KCNAB1: variants seen among roughly 807,000 people sequenced by gnomAD.
KCNAB1 encodes voltage-gated potassium channel subunit beta-1.
In KCNAB1, 35 loss-of-function variants were observed where a neutral mutation model predicts 64.6. The observed-to-expected ratio is 0.54, with a 90% CI of 0.41 to 0.72. The LOEUF (loss-of-function observed/expected upper bound fraction) is 0.72, where lower values mean the gene tolerates loss of function less well. KCNAB1 is among the 30% of genes least tolerant of loss of function. The pLI, the probability that KCNAB1 is intolerant of heterozygous loss-of-function variation, is 0.00. For synonymous variants in KCNAB1, 177 were observed against 183.8 expected (o/e 0.96, Z 0.30); for missense variants, 401 against 512.9 (o/e 0.78, Z 2.11).
intron 8 of KCNAB1, among the ~76,000 whole-genome samples, chr3:156,510,345 C>T (rs1038426079): frequency 6.6e-6 from 1 of 152,184 alleles, no homozygotes; most frequent in African/African-American, 2.4e-5. Flanking sequence ...GATGGTTCTA[C>T]AAACCTCCCT....
intron 1 of KCNAB1, among the ~76,000 whole-genome samples, chr3:156,364,718 C>T (rs548231144): frequency 7.9e-5 from 12 of 152,100 alleles, no homozygotes; most frequent in Admixed American, 2.6e-4. Flanking sequence ...GTGGAGGTTC[C>T]GGTGAGCCAA....
chr3:156,329,343 G>T (rs1241714655), intron 1 of KCNAB1, among the ~76,000 whole-genome samples: 2 of 152,114 alleles, frequency 1.3e-5, no homozygotes, highest in African/African-American at 4.8e-5. Flanking sequence ...AGATTGAGAT[G>T]CTGGGGCAGG....
upstream of KCNAB1, among the ~76,000 whole-genome samples, chr3:156,119,150 T>G (rs1713211152): frequency 6.6e-6 from 1 of 152,140 alleles, no homozygotes; most frequent in Non-Finnish European, 1.5e-5. Context: ...TTGATATTGG[T>G]TAATTAACAG....
intron 1 of KCNAB1, among the ~76,000 whole-genome samples, chr3:156,249,507 G>T (rs1253348261): frequency 6.6e-6 from 1 of 151,262 alleles, no homozygotes; most frequent in Admixed American, 6.6e-5. Context: ...AGAAGGCAGA[G>T]GTTGCAGTTG....
At chr3:156,161,292 G>C (rs1716061023) in intron 1 of KCNAB1, among the ~76,000 whole-genome samples, 1 of 152,102 alleles carries the variant, frequency 6.6e-6, no homozygotes, top group African/African-American at 2.4e-5. Context: ...TCACCTCACT[G>C]CCTCGTCATT....
chr3:156,294,961 C>T (rs1332126639), intron 1 of KCNAB1, among the ~76,000 whole-genome samples: 2 of 152,126 alleles, frequency 1.3e-5, no homozygotes, highest in Non-Finnish European at 2.9e-5. Flanking sequence ...ATTTGCTGAG[C>T]ACCTATTCTA....
At chr3:156,303,287 G>A (rs1721279494) in intron 1 of KCNAB1, among the ~76,000 whole-genome samples, 1 of 152,128 alleles carries the variant, frequency 6.6e-6, no homozygotes, top group African/African-American at 2.4e-5. Context: ...TGGCATGCAA[G>A]CAAAAGTACC....
intron 2 of KCNAB1, among the ~76,000 whole-genome samples, chr3:156,449,731 T>C (rs890044837): frequency 6.6e-6 from 1 of 152,228 alleles, no homozygotes; most frequent in Non-Finnish European, 1.5e-5. Context: ...TGGAAACTGA[T>C]CTCAATGTAG....
intron 13 of KCNAB1, 83 bp downstream of exon 13, chr3:156,531,580 C>T (rs578260398): frequency 1.7e-5 from 17 of 1,020,708 alleles, no homozygotes; most frequent in African/African-American, 6.3e-5. Flanking sequence ...ATCTCTCCCC[C>T]TCTCTGTCCT....
chr3:156,307,310 C>T (rs1721558043), intron 1 of KCNAB1, among the ~76,000 whole-genome samples: 1 of 151,484 alleles, frequency 6.6e-6, no homozygotes, highest in Non-Finnish European at 1.5e-5. Context: ...GATTTTAGAA[C>T]AGAAGAGATT....
chr3:156,203,980 C>G (rs1471603180), intron 1 of KCNAB1, among the ~76,000 whole-genome samples: 1 of 152,126 alleles, frequency 6.6e-6, no homozygotes, highest in African/African-American at 2.4e-5. Context: ...ATCTTTTGCT[C>G]ATTGCTGGGA....
At chr3:156,210,170 A>G (rs1220704208) in intron 1 of KCNAB1, among the ~76,000 whole-genome samples, 3 of 152,078 alleles carry the variant, frequency 2.0e-5, no homozygotes, top group African/African-American at 7.2e-5. Flanking sequence ...GCTGCTCAGG[A>G]AGGCATGGGC....
At chr3:156,296,951 A>T (rs1320461468) in intron 1 of KCNAB1, among the ~76,000 whole-genome samples, 1 of 152,208 alleles carries the variant, frequency 6.6e-6, no homozygotes, top group Non-Finnish European at 1.5e-5. Flanking sequence ...GAAATTGATG[A>T]TCCATATGGT....
chr3:156,229,367 A>G (rs777050645), intron 1 of KCNAB1, among the ~76,000 whole-genome samples: 3 of 152,128 alleles, frequency 2.0e-5, no homozygotes, highest in Non-Finnish European at 4.4e-5. Context: ...ATTCACTTAT[A>G]GTCAAGAGAC....
In KCNAB1 at chr3:156,146,759, T is replaced by C. The variant is rs151102460; in HGVS notation, c.275+25873T>C. On this transcript the variant is annotated intron_variant, in intron 1 of 13. Transcript: ENST00000490337. ...TTATTTATGGACACGGAAATTTGAA[T>C]TTTATAGTTTTTGCATATCACAAAT... Among the ~76,000 whole-genome samples the C allele has an allele frequency of 9.1e-3, 1,387 of 152,294 alleles. 28 individuals are homozygous for C. The highest frequency in any genetic ancestry group is 0.031 in the African/African-American group (1,286 of 41,538).
chr3:156,493,649 T>G (rs1290477737), intron 8 of KCNAB1, among the ~76,000 whole-genome samples: 1 of 152,132 alleles, frequency 6.6e-6, no homozygotes, highest in Admixed American at 6.6e-5. Flanking sequence ...TATCCTTTTC[T>G]GGCCAAGATC....
chr3:156,232,873 CA>C (rs1716616284), intron 1 of KCNAB1, among the ~76,000 whole-genome samples: 1 of 152,164 alleles, frequency 6.6e-6, no homozygotes, highest in Admixed American at 6.5e-5. Flanking sequence ...CAGAAAAACA[CA>C]GAAATAGTAG....
At chr3:156,384,844 G>T (rs1171812991) in intron 1 of KCNAB1, among the ~76,000 whole-genome samples, 1 of 152,160 alleles carries the variant, frequency 6.6e-6, no homozygotes, top group Non-Finnish European at 1.5e-5. Context: ...TGTTCTTCTG[G>T]CAGGAGAAGG....
intron 1 of KCNAB1, among the ~76,000 whole-genome samples, chr3:156,140,891 C>T (rs1036520185): frequency 6.6e-6 from 1 of 151,886 alleles, no homozygotes; most frequent in Non-Finnish European, 1.5e-5. Context: ...AGCATGTGCG[C>T]GTGTGTGAAG....
Sources: allele counts gnomAD v4.1 joint callset (sites outside exome capture counted in the v4.1 genomes callset), GRCh38; gene constraint gnomAD v4.1.1; transcripts MANE v1.5; gene names NCBI Gene and HGNC (gene_info 2026-07-23, HGNC 2026-07-21).